PALMD: variants seen among roughly 807,000 people sequenced by gnomAD.
The protein encoded by PALMD is paralemmin-like protein.
PALMD carries 42 observed loss-of-function variants against 56.2 expected under a neutral mutation model. That is an observed-to-expected ratio of 0.75 (90% confidence interval 0.58 to 0.97). PALMD has a LOEUF of 0.97. Among genes scored for constraint, PALMD ranks in the 50% least tolerant of loss-of-function variants. PALMD has a pLI of 0.00. For synonymous variants in PALMD, 242 were observed against 222.9 expected, an observed-to-expected ratio of 1.09 and a Z score of -0.76; for missense variants, 660 against 643.8, an observed-to-expected ratio of 1.03 and a Z score of -0.27.
chr1:99,689,820 C>T lies in PALMD; in HGVS notation c.1560C>T (p.Ser520=). 1 of 1,612,816 alleles carries T rather than the reference C, an allele frequency of 6.2e-7. No homozygotes were observed. Among genetic ancestry groups the T allele is most frequent in the Middle Eastern group, 1.7e-4 (1 of 6,048 alleles). The change falls in exon 7 of 8, where the codon TCC becomes TCT. Residue 520 remains serine (S), a synonymous_variant. Coordinates refer to ENST00000263174, the MANE Select transcript of PALMD (RefSeq NM_017734.5). ...EESLGSPVHH[S]PFDAQTTGDG... is the part of the protein sequence containing the mutation. The stretch of plus-strand genomic sequence containing the variant: ...GCTTAGGCAGCCCTGTCCACCATTC[C>T]CCATTTGATGCTCAGACAACTGGAG...
chr1:99,656,794 C>T (rs1258092255), intron 1 of PALMD, among the ~76,000 whole-genome samples: 1 of 152,144 alleles, frequency 6.6e-6, no homozygotes. Flanking sequence ...TACTAAATAC[C>T]TTTCTAAGCA....
chr1:99,678,347 C>T (rs1653261704), intron 3 of PALMD, among the ~76,000 whole-genome samples: 1 of 152,030 alleles, frequency 6.6e-6, no homozygotes, highest in African/African-American at 2.4e-5. Flanking sequence ...TCAAGTTATC[C>T]ACTCGCCTCA....
chr1:99,652,736 AAAAG>A (rs141835709), intron 1 of PALMD, among the ~76,000 whole-genome samples: 23,864 of 103,852 alleles, frequency 0.23, 2,581 homozygotes, highest in Middle Eastern at 0.39. Context: ...AAAAGAAAAG[AAAAG>A]AAAGAAAACT....
At chr1:99,654,296 TATA>T (rs1557666927) in intron 1 of PALMD, among the ~76,000 whole-genome samples, 1 of 151,994 alleles carries the variant, frequency 6.6e-6, no homozygotes, top group African/African-American at 2.4e-5. Flanking sequence ...AATCAGAAAA[TATA>T]ATGTGAAAAT....
intron 3 of PALMD, among the ~76,000 whole-genome samples, chr1:99,682,585 C>T (rs191545409): frequency 1.1e-3 from 160 of 152,092 alleles, no homozygotes; most frequent in African/African-American, 3.7e-3. Context: ...ATTACATTAC[C>T]CACGGCTTTA....
chr1:99,692,874 T>C (rs77778266), intron 7 of PALMD, among the ~76,000 whole-genome samples: 108 of 152,334 alleles, frequency 7.1e-4, no homozygotes, highest in African/African-American at 2.5e-3. Context: ...GCACATTCTC[T>C]CAGTTCATCC....
At chr1:99,669,370 T>C (rs192334796) in intron 3 of PALMD, 1 of 152,318 alleles carries the variant, frequency 6.6e-6, no homozygotes, top group Admixed American at 6.5e-5. Flanking sequence ...AATAACCCAA[T>C]AAATCAACTC....
intron 3 of PALMD, chr1:99,668,993 C>T (rs547611561): frequency 6.6e-6 from 1 of 152,142 alleles, no homozygotes; most frequent in South Asian, 2.1e-4. Context: ...AAACCTCATT[C>T]GCTATAATGT....
rs567311961 is a variant in PALMD, at chr1:99,665,225, T to TA, written c.127-2410dup. Among the ~76,000 whole-genome samples the TA allele has an allele frequency of 5.9e-5, 9 of 152,258 alleles. No individual in the cohort carries two copies. In the East Asian group the frequency reaches 9.6e-4, roughly 16 times the overall value. ...AGAAGTGCTCAGGAAAACCTTTTCC[T>TA]AAAAAAACTGCAGAAAGACCTATCA... On this transcript the variant is annotated intron_variant, in intron 2 of 7. Coordinates refer to ENST00000263174, the MANE Select transcript of PALMD (RefSeq NM_017734.5).
chr1:99,689,752 T>TC lies in PALMD; in HGVS notation c.1498dup (p.His500ProfsTer24). ...TCCTCATGAAAACACAAATCATAAA[T>TC]CCCCCCACAAAAATTCCATATCTCT... On this transcript the variant is annotated frameshift_variant, in exon 7 of 8. Transcript: ENST00000263174. LOFTEE classifies it high-confidence loss of function. The TC allele has an allele frequency of 6.2e-7, 1 of 1,613,170 alleles. No homozygotes were observed. The highest frequency in any genetic ancestry group is 2.2e-5 in the East Asian group (1 of 44,820).
chr1:99,648,207 A>G (rs1652486513), intron 1 of PALMD, among the ~76,000 whole-genome samples: 2 of 152,204 alleles, frequency 1.3e-5, no homozygotes, highest in African/African-American at 4.8e-5. Flanking sequence ...AAAACTGGAA[A>G]AAGTTTATGG....
intron 2 of PALMD, among the ~76,000 whole-genome samples, chr1:99,663,107 T>C (rs1322532164): frequency 6.6e-6 from 1 of 152,150 alleles, no homozygotes; most frequent in Non-Finnish European, 1.5e-5. Context: ...TATCAATAGA[T>C]TTAATGAATC....
intron 2 of PALMD, among the ~76,000 whole-genome samples, chr1:99,664,849 A>G (rs1224449340): frequency 6.6e-6 from 1 of 152,166 alleles, no homozygotes; most frequent in Non-Finnish European, 1.5e-5. Flanking sequence ...ATTAAACAAC[A>G]TAAGCATAAA....
intron 3 of PALMD, among the ~76,000 whole-genome samples, chr1:99,672,204 G>A (rs2100864844): frequency 6.6e-6 from 1 of 152,260 alleles, no homozygotes; most frequent in South Asian, 2.1e-4. Flanking sequence ...GGTTTCCATG[G>A]TTTCTGTCTC....
At chr1:99,691,450 C>G (rs1653649401) in intron 7 of PALMD, among the ~76,000 whole-genome samples, 1 of 152,086 alleles carries the variant, frequency 6.6e-6, no homozygotes, top group Non-Finnish European at 1.5e-5. Flanking sequence ...CTATTCCAGA[C>G]AAAGTAACAA....
At position 99,689,756 on chromosome 1, in the gene PALMD, C is replaced by T. The variant is rs140749878; in HGVS notation, c.1496C>T (p.Pro499Leu). The change falls in exon 7 of 8, where the codon CCC becomes CTC. Residue 499 changes from proline (P) to leucine (L), a missense_variant. Coordinates refer to ENST00000263174, the MANE Select transcript of PALMD (RefSeq NM_017734.5). ...SPHENTNHKS[P>L]HKNSISLKEQ... is the part of the protein sequence containing the mutation. ...CATGAAAACACAAATCATAAATCCCCCCACAAAAATTCCATATCTCTGAAA... is the reference window on the plus strand; with the variant it reads ...CATGAAAACACAAATCATAAATCCCTCCACAAAAATTCCATATCTCTGAAA... 3.1e-6 allele frequency: 5 copies of T among 1,613,694 alleles called. No individual in the cohort carries two copies. The African/African-American group carries it at 4.0e-5, about 13-fold the overall frequency.
chr1:99,692,623 C>A (rs1206814364), intron 7 of PALMD, among the ~76,000 whole-genome samples: 3 of 152,138 alleles, frequency 2.0e-5, no homozygotes, highest in African/African-American at 7.2e-5. Context: ...ACAGGATGTG[C>A]CTGATTTACG....
Position 99,667,779 on chromosome 1 carries a change from C to A in PALMD, c.251+13C>A. 4 of 1,610,666 alleles carry A rather than the reference C, an allele frequency of 2.5e-6. No individual in the cohort carries two copies. Among genetic ancestry groups the A allele is most frequent in the Non-Finnish European group, 3.4e-6 (4 of 1,177,176 alleles). On this transcript the variant is annotated intron_variant, in intron 3 of 7. Coordinates refer to ENST00000263174, the MANE Select transcript of PALMD (RefSeq NM_017734.5). The stretch of plus-strand genomic sequence containing the variant: ...AAAGTATCCTCAGGTATGGCCCTCA[C>A]TGAGATACTCCACAACTACCTTTAT...
At chr1:99,692,429 A>G (rs150135652) in intron 7 of PALMD, among the ~76,000 whole-genome samples, 3 of 152,344 alleles carry the variant, frequency 2.0e-5, no homozygotes, top group African/African-American at 7.2e-5. Context: ...ACAGGAGCAG[A>G]AAATAGAAGT....
Sources: gnomAD v4.1 joint callset for allele counts (sites outside exome capture counted in the v4.1 genomes callset) on GRCh38, gnomAD v4.1.1 for gene constraint, MANE v1.5 for transcripts, NCBI Gene and HGNC (gene_info 2026-07-23, HGNC 2026-07-21) for gene names.